The following ANAPC10 variants were observed in gnomAD, a reference collection of about 807,000 sequenced individuals.
ANAPC10 encodes the protein anaphase promoting complex subunit 10.
A neutral mutation model predicts 22.0 loss-of-function variants in ANAPC10; 12 were observed. The ratio of observed to expected loss-of-function variants is 0.55; its 90% CI spans 0.35 to 0.88. ANAPC10 has a LOEUF of 0.88. ANAPC10 is among the 40% of genes least tolerant of loss of function. ANAPC10 has a pLI of 0.01. For missense variants in ANAPC10, 188 were observed against 220.9 expected (o/e 0.85, Z 0.94); for synonymous variants, 65 against 69.5 (o/e 0.94, Z 0.32).
intron 4 of ANAPC10, among the ~76,000 whole-genome samples, chr4:145,029,742 A>T (rs1300195219): frequency 6.6e-6 from 1 of 152,190 alleles, no homozygotes; most frequent in Non-Finnish European, 1.5e-5. Context: ...TGTTTAATGT[A>T]GAGGAAGGGA....
chr4:145,006,285 G>GA (rs918998317), intron 4 of ANAPC10, among the ~76,000 whole-genome samples: 10 of 151,946 alleles, frequency 6.6e-5, no homozygotes, highest in Non-Finnish European at 1.5e-4. Context: ...CTTTTTATCT[G>GA]AAAAATCTGC....
intron 2 of ANAPC10, 148 bp downstream of exon 2, chr4:145,095,837 T>C: frequency 2.1e-6 from 2 of 933,846 alleles, no homozygotes; most frequent in South Asian, 3.1e-5. Context: ...AAAAACATAG[T>C]ATTAATATAG....
intron 2 of ANAPC10, among the ~76,000 whole-genome samples, chr4:145,094,459 G>C (rs1748182990): frequency 6.6e-6 from 1 of 152,154 alleles, no homozygotes; most frequent in Non-Finnish European, 1.5e-5. Flanking sequence ...CACCTAAAAA[G>C]GGTAAGTTTT....
intron 4 of ANAPC10, among the ~76,000 whole-genome samples, chr4:145,020,142 C>T (rs1325477044): frequency 1.3e-5 from 2 of 151,908 alleles, no homozygotes; most frequent in Admixed American, 6.6e-5. Flanking sequence ...GAAAGAAAAC[C>T]ACAGACCCAT....
intron 4 of ANAPC10, among the ~76,000 whole-genome samples, chr4:145,044,762 C>T (rs1184667504): frequency 2.0e-5 from 3 of 151,924 alleles, no homozygotes; most frequent in East Asian, 3.9e-4. Flanking sequence ...TACTGGCTAA[C>T]TAATGGGCTT....
At chr4:145,088,702 T>A (rs1312040661) in intron 2 of ANAPC10, among the ~76,000 whole-genome samples, 1 of 152,200 alleles carries the variant, frequency 6.6e-6, no homozygotes, top group Non-Finnish European at 1.5e-5. Flanking sequence ...TATGCCACTA[T>A]CAACCATTAT....
At chr4:145,054,684 CTGTGTGTGTGCCTG>C (rs1216257012) in intron 4 of ANAPC10, among the ~76,000 whole-genome samples, 4 of 138,878 alleles carry the variant, frequency 2.9e-5, no homozygotes, top group South Asian at 2.3e-4. Flanking sequence ...GTGTGTGTGC[CTGTGTGTGTGCCTG>C]TGTGTGTGTG....
intron 2 of ANAPC10, among the ~76,000 whole-genome samples, chr4:145,083,357 T>C (rs1746372432): frequency 6.6e-6 from 1 of 152,206 alleles, no homozygotes; most frequent in South Asian, 2.1e-4. Flanking sequence ...ATTTAGGTTG[T>C]TTCCAATGTT....
At chr4:145,090,711 T>C (rs556837914) in intron 2 of ANAPC10, among the ~76,000 whole-genome samples, 39 of 152,324 alleles carry the variant, frequency 2.6e-4, no homozygotes, top group Admixed American at 1.2e-3. Context: ...TTGAAAACCT[T>C]ACTGAGATAA....
Position 144,995,608 on chromosome 4 carries a change from C to A in ANAPC10, c.328-5G>T. 6.3e-7 allele frequency: 1 copy of A among 1,580,030 alleles called. No individual in the cohort carries two copies. Among genetic ancestry groups the A allele is most frequent in the Non-Finnish European group, 8.6e-7 (1 of 1,162,602 alleles). ...TGGTTCCACCAACTCAAGTTGCTGC[C>A]AAGGGAAAAAAAATCAGATTATGCT... On this transcript the variant is annotated splice_region_variant and splice_polypyrimidine_tract_variant and intron_variant, in intron 4 of 4. Transcript: ENST00000507656.
intron 4 of ANAPC10, among the ~76,000 whole-genome samples, chr4:145,013,544 T>C (rs1007387608): frequency 2.0e-5 from 3 of 152,118 alleles, no homozygotes; most frequent in African/African-American, 7.2e-5. Context: ...AAACAGCATC[T>C]TTTCATATAT....
chr4:145,037,216 G>A (rs1041029579), intron 4 of ANAPC10, among the ~76,000 whole-genome samples: 1 of 152,036 alleles, frequency 6.6e-6, no homozygotes, highest in African/African-American at 2.4e-5. Flanking sequence ...ACATGATATT[G>A]AAACGTATCT....
At chr4:145,092,545 A>G (rs1279222732) in intron 2 of ANAPC10, among the ~76,000 whole-genome samples, 1 of 152,216 alleles carries the variant, frequency 6.6e-6, no homozygotes, top group Non-Finnish European at 1.5e-5. Flanking sequence ...ATAATTTGAC[A>G]AAGACCAAAT....
chr4:145,016,598 T>C (rs1401479597), intron 4 of ANAPC10, among the ~76,000 whole-genome samples: 1 of 152,232 alleles, frequency 6.6e-6, no homozygotes, highest in Non-Finnish European at 1.5e-5. Context: ...AATGACTTTC[T>C]TCACAGAATT....
intron 4 of ANAPC10, among the ~76,000 whole-genome samples, chr4:145,018,221 G>T (rs562865092): frequency 6.6e-5 from 10 of 151,264 alleles, no homozygotes; most frequent in Non-Finnish European, 1.2e-4. Context: ...AAAAAATCAA[G>T]GTATACAGGC....
chr4:145,059,457 G>C (rs1742553082), intron 4 of ANAPC10, among the ~76,000 whole-genome samples: 1 of 152,026 alleles, frequency 6.6e-6, no homozygotes, highest in Non-Finnish European at 1.5e-5. Flanking sequence ...TTTATTATCT[G>C]AAGACAAAAA....
intron 4 of ANAPC10, among the ~76,000 whole-genome samples, chr4:145,017,229 A>C (rs557784978): frequency 6.6e-6 from 1 of 152,206 alleles, no homozygotes; most frequent in African/African-American, 2.4e-5. Context: ...TCATCTGACA[A>C]AGGGCTAATA....
At chr4:145,018,153 A>G (rs13148067) in intron 4 of ANAPC10, among the ~76,000 whole-genome samples, 28,502 of 149,686 alleles carry the variant, frequency 0.19, 3,448 homozygotes, top group Non-Finnish European at 0.27. Context: ...AAAATAAAGC[A>G]CAAATCTCAC....
At chr4:145,008,356 T>C (rs557063295) in intron 4 of ANAPC10, among the ~76,000 whole-genome samples, 4 of 152,334 alleles carry the variant, frequency 2.6e-5, no homozygotes, top group Non-Finnish European at 4.4e-5. Context: ...ATCATCCTGA[T>C]ACCAAAGTCT....
Sources: allele counts gnomAD v4.1 joint callset (sites outside exome capture counted in the v4.1 genomes callset), GRCh38; gene constraint gnomAD v4.1.1; transcripts MANE v1.5; gene names NCBI Gene and HGNC (gene_info 2026-07-23, HGNC 2026-07-21).